The following LRRC53 variants were observed in gnomAD, a reference collection of about 807,000 sequenced individuals.
The protein encoded by LRRC53 is leucine rich repeat containing 53.
In LRRC53, 25 loss-of-function variants were observed where a neutral mutation model predicts 13.6. The observed-to-expected ratio is 1.83, with a 90% confidence interval of 1.34 to 2.56. The LOEUF (loss-of-function observed/expected upper bound fraction) is 2.56. Ranked by LOEUF, LRRC53 falls within the 30% of genes most tolerant of loss-of-function variation. The pLI, the probability that LRRC53 is intolerant of heterozygous loss-of-function variation, is 0.00. For synonymous variants in LRRC53, 204 were observed against 109.8 expected, an observed-to-expected ratio of 1.86 and a Z score of -5.37; for missense variants, 527 against 275.8, an observed-to-expected ratio of 1.91 and a Z score of -6.45.
chr1:74,480,608 G>T lies in LRRC53; in HGVS notation c.449C>A (p.Ser150Tyr). The T allele has an allele frequency of 1.4e-6, 1 of 717,242 alleles. No homozygotes were observed. Among genetic ancestry groups the T allele is most frequent in the Non-Finnish European group, 2.6e-6 (1 of 385,086 alleles). 44.4% of individuals were successfully genotyped at this position (717,242 alleles called of 1,614,324 possible). ...ACTGTGGAGATTCGTGCCTCCGAAA[G>T]AACTGTCTGTGAGATTAGTAATCTG... ...GNQITNLTDS[S>Y]FGGTNLHSLR... The change falls in exon 3 of 5, where the codon TCT (serine) becomes TAT (tyrosine). Residue 150 changes from serine (S) to tyrosine (Y), a missense_variant. Transcript: ENST00000294635.
At chr1:74,497,982 T>A (rs187586903) in intron 1 of LRRC53, among the ~76,000 whole-genome samples, 2 of 152,256 alleles carry the variant, frequency 1.3e-5, no homozygotes, top group South Asian at 2.1e-4. Context: ...TGTGGGAGGC[T>A]TTTTTGTTTG....
chr1:74,471,964 T>A lies in LRRC53; in HGVS notation c.1658A>T (p.Asp553Val), dbSNP rs112394253. The change falls in exon 5 of 5, where the codon GAT becomes GTT. Residue 553 changes from aspartate to valine, a missense_variant. By Grantham distance (152) the Asp-to-Val change is radical. Transcript: ENST00000294635. ...GCTCTGTTTTAACAGTCCACAAGGA[T>A]CATCATATTTTGATCTATTTTTTTG... ...IVQKNRSKYD[D>V]PCGLLKQSKP... 1.8e-4 allele frequency: 108 copies of A among 616,658 alleles called. No homozygotes were observed. The highest frequency in any genetic ancestry group is 1.6e-3 in the African/African-American group (89 of 54,064). 38.2% of individuals were successfully genotyped at this position (616,658 alleles called of 1,614,324 possible). A position where few individuals can be genotyped will look rare whatever the true frequency, so the allele number is the denominator to read the frequency against.
chr1:74,498,544 T>G (rs1280907149), intron 1 of LRRC53, among the ~76,000 whole-genome samples: 1 of 152,202 alleles, frequency 6.6e-6, no homozygotes, highest in East Asian at 1.9e-4. Context: ...TTAAATATTT[T>G]TATTTATAAT....
rs1667925333 is a variant in LRRC53, at chr1:74,471,385, A to G, written c.2237T>C (p.Leu746Ser). 7.5e-6 allele frequency: 3 copies of G among 400,592 alleles called. No individual in the cohort carries two copies. Among genetic ancestry groups the G allele is most frequent in the Non-Finnish European group, 1.3e-5 (3 of 226,170 alleles). The allele number at this position is 400,592 out of a possible 1,614,324, so 24.8% of individuals were successfully genotyped here. The change falls in exon 5 of 5, where the codon TTG (leucine) becomes TCG (serine). Residue 746 changes from leucine (L) to serine (S), a missense_variant. Coordinates refer to ENST00000294635, the MANE Select transcript of LRRC53 (RefSeq NM_001382280.1). ...TTTGGATAATTTCTTAGGAGGCAAC[A>G]ATACCTGCTTGCATTGCTTTGGGAG... ...SSLPKQCKQVLLPPKKLSKTS... is the reference protein window; with the variant it reads ...SSLPKQCKQVSLPPKKLSKTS...
At chr1:74,492,131 C>T in intron 1 of LRRC53, 1 of 1,611,434 alleles carries the variant, frequency 6.2e-7, no homozygotes, top group Non-Finnish European at 8.5e-7. Context: ...AGCAGTGGGT[C>T]TCTCTCACCT....
At chr1:74,529,592 G>A in the LRRC53 span, among the ~76,000 whole-genome samples, 2 of 152,192 alleles carry the variant, frequency 1.3e-5, no homozygotes, top group Non-Finnish European at 2.9e-5. Context: ...GTAGATGGAA[G>A]AATCAAATGA....
chr1:74,479,372 C>CA (rs570670858), intron 3 of LRRC53, among the ~76,000 whole-genome samples: 12 of 152,244 alleles, frequency 7.9e-5, no homozygotes, highest in East Asian at 1.9e-4. Context: ...TTTTAAATTA[C>CA]AAAAAATATA....
rs1277676040 is a variant in LRRC53 at position 74,483,370 on chromosome 1, A to G, written c.-21T>C. The G allele has an allele frequency of 1.4e-6, 1 of 717,122 alleles. No individual in the cohort carries two copies. The highest frequency in any genetic ancestry group is 2.6e-6 in the Non-Finnish European group (1 of 384,864). 44.4% of individuals were successfully genotyped at this position (717,122 alleles called of 1,614,324 possible). ...AACATGATGGCAAAGAGTACCAGCCATCCACCTGAAAGGAAAGTAGAGGGC... is the reference window on the plus strand; with the variant it reads ...AACATGATGGCAAAGAGTACCAGCCGTCCACCTGAAAGGAAAGTAGAGGGC... On this transcript the variant is annotated 5_prime_UTR_variant, in exon 2 of 5. The change abolishes an upstream ATG in the 5' untranslated region. Transcript: ENST00000294635.
chr1:74,509,479 G>A (rs1670068510), intron 1 of LRRC53, among the ~76,000 whole-genome samples: 2 of 152,122 alleles, frequency 1.3e-5, no homozygotes, highest in African/African-American at 2.4e-5. Flanking sequence ...TTACACAAAT[G>A]AATGATTTTC....
chr1:74,525,288 T>C, the LRRC53 span, among the ~76,000 whole-genome samples: 3 of 152,218 alleles, frequency 2.0e-5, no homozygotes, highest in Non-Finnish European at 4.4e-5. Flanking sequence ...TTTGCGTGTA[T>C]ACCATCTCAT....
At chr1:74,517,083 TC>T (rs1646359858), upstream of LRRC53, among the ~76,000 whole-genome samples, 1 of 152,154 alleles carries the variant, frequency 6.6e-6, no homozygotes, top group African/African-American at 2.4e-5. Context: ...ATTCAGCTTT[TC>T]CCCCACCCCT....
At chr1:74,527,232 A>G in the LRRC53 span, among the ~76,000 whole-genome samples, 1 of 152,246 alleles carries the variant, frequency 6.6e-6, no homozygotes, top group African/African-American at 2.4e-5. Context: ...ATCCTTGAGC[A>G]GTGGCTAAAG....
At chr1:74,474,615 C>T (rs141253355) in intron 4 of LRRC53, among the ~76,000 whole-genome samples, 341 of 152,222 alleles carry the variant, frequency 2.2e-3, no homozygotes, top group African/African-American at 7.8e-3. Context: ...ATTTTCACTG[C>T]TGAGCCTGAA....
chr1:74,529,170 T>C, the LRRC53 span, among the ~76,000 whole-genome samples: 1 of 152,206 alleles, frequency 6.6e-6, no homozygotes, highest in East Asian at 1.9e-4. Flanking sequence ...AAAATACTTA[T>C]TAATTACAAA....
intron 1 of LRRC53, among the ~76,000 whole-genome samples, chr1:74,510,050 G>A (rs11210467): frequency 0.49 from 73,962 of 151,898 alleles, 18,333 homozygotes; most frequent in African/African-American, 0.58. Context: ...CAATGTCACA[G>A]ATTTTCTATT....
At chr1:74,504,561 AGAG>A (rs1318674488) in intron 1 of LRRC53, among the ~76,000 whole-genome samples, 11 of 152,310 alleles carry the variant, frequency 7.2e-5, no homozygotes, top group South Asian at 2.1e-4. Context: ...TCTGTTCAAA[AGAG>A]GAGGTGATGA....
chr1:74,520,255 T>C, the LRRC53 span, among the ~76,000 whole-genome samples: 1 of 152,146 alleles, frequency 6.6e-6, no homozygotes, highest in Admixed American at 6.6e-5. Flanking sequence ...TTTCAAAAAA[T>C]TGACTCAACT....
chr1:74,490,002 C>T (rs192381222), intron 1 of LRRC53, among the ~76,000 whole-genome samples: 9 of 143,628 alleles, frequency 6.3e-5, no homozygotes, highest in Admixed American at 2.9e-4. Context: ...GAGATTGCAC[C>T]ACTAAGTCTC....
chr1:74,533,681 G>T, the LRRC53 span, among the ~76,000 whole-genome samples: 1 of 150,984 alleles, frequency 6.6e-6, no homozygotes, highest in Non-Finnish European at 1.5e-5. Context: ...AACAATGATA[G>T]ACTGGATTAA....
Sources: gnomAD v4.1 joint callset for allele counts (sites outside exome capture counted in the v4.1 genomes callset) on GRCh38, gnomAD v4.1.1 for gene constraint, MANE v1.5 for transcripts, NCBI Gene and HGNC (gene_info 2026-07-23, HGNC 2026-07-21) for gene names.